METTL14: variants seen among roughly 807,000 people sequenced by gnomAD.
The protein encoded by METTL14 is methyltransferase 14, N6-adenosine-methyltransferase non-catalytic subunit.
METTL14 carries 32 observed loss-of-function variants against 62.4 expected under a neutral mutation model. The ratio of observed to expected loss-of-function variants is 0.51; its 90% CI spans 0.39 to 0.69. METTL14 has a LOEUF of 0.69. Ranked by LOEUF, METTL14 falls within the 30% of genes least tolerant of loss-of-function variation. The pLI is 0.00. For synonymous variants in METTL14, 150 were observed against 180.0 expected (o/e 0.83, Z 1.34); for missense variants, 340 against 551.9 (o/e 0.62, Z 3.85).
rs70941201 is a variant in METTL14 at position 118,696,117 on chromosome 4, C to CAAA, written c.504-1039_504-1037dup. Among the ~76,000 whole-genome samples, 90 of 33,890 alleles carry CAAA rather than the reference C, an allele frequency of 2.7e-3. 18 individuals are homozygous for CAAA. Among genetic ancestry groups the CAAA allele is most frequent in the Middle Eastern group, 0.025 (1 of 40 alleles). 22.2% of individuals were successfully genotyped at this position (33,890 alleles called of 152,430 possible). A position where few individuals can be genotyped will look rare whatever the true frequency, so the allele number is the denominator to read the frequency against. Reference sequence around the variant, plus strand: ...CTGGCAACAGAGTGAGACTCTGTCTCAAAAAAAAAAAAAAAAAAAAAAAAA... The same window carrying CAAA: ...CTGGCAACAGAGTGAGACTCTGTCTCAAAAAAAAAAAAAAAAAAAAAAAAAAAA... On this transcript the variant is annotated intron_variant, in intron 6 of 10. Coordinates refer to ENST00000388822, the MANE Select transcript of METTL14 (RefSeq NM_020961.4).
chr4:118,686,801 T>C (rs1314668960), intron 1 of METTL14: 3 of 356,148 alleles, frequency 8.4e-6, no homozygotes, highest in Non-Finnish European at 1.1e-5. Flanking sequence ...CAATTATTTG[T>C]TTAGTGTTTT....
intron 9 of METTL14, among the ~76,000 whole-genome samples, chr4:118,704,717 T>C (rs1488903820): frequency 6.6e-6 from 1 of 152,146 alleles, no homozygotes; most frequent in Non-Finnish European, 1.5e-5. Flanking sequence ...CTTTTCATTA[T>C]GTGTCTCTTC....
At chr4:118,692,835 T>C (rs543355784) in intron 5 of METTL14, among the ~76,000 whole-genome samples, 1 of 152,168 alleles carries the variant, frequency 6.6e-6, no homozygotes, top group Non-Finnish European at 1.5e-5. Flanking sequence ...CTCTCTCATC[T>C]ACCCCTTCTC....
rs547458930 is a variant in METTL14 at position 118,696,026 on chromosome 4, G to T, written c.504-1156G>T. 7.6e-5 allele frequency among the ~76,000 whole-genome samples: 11 copies of T among 145,250 alleles called. No homozygotes were observed. The South Asian group carries it at 2.5e-3, about 33-fold the overall frequency. ...TCGGGAGGCAGAGGCTGAGGCAGAAGAGGTGGAGTTTGAACCCAGGAGGTG... is the reference window on the plus strand; with the variant it reads ...TCGGGAGGCAGAGGCTGAGGCAGAATAGGTGGAGTTTGAACCCAGGAGGTG... On this transcript the variant is annotated intron_variant, in intron 6 of 10. Coordinates refer to ENST00000388822, the MANE Select transcript of METTL14 (RefSeq NM_020961.4).
At chr4:118,696,025 AGAGGTGGAGTTTGAACCCAG>A (rs767711616) in intron 6 of METTL14, among the ~76,000 whole-genome samples, 1 of 145,312 alleles carries the variant, frequency 6.9e-6, no homozygotes, top group Admixed American at 7.2e-5. Flanking sequence ...CTGAGGCAGA[AGAGGTGGAGTTTGAACCCAG>A]GAGGTGGAGT....
chr4:118,704,071 G>C lies in METTL14; in HGVS notation c.855+20G>C, dbSNP rs549334816. On this transcript the variant is annotated intron_variant, in intron 9 of 10. Transcript: ENST00000388822. Reference sequence around the variant, plus strand: ...ACAAAGGTATTGCCTTTACTGATTTGTTTTTTTTAATTTTTGTGATTTTCT... The same window carrying C: ...ACAAAGGTATTGCCTTTACTGATTTCTTTTTTTTAATTTTTGTGATTTTCT... The C allele has an allele frequency of 4.3e-5, 61 of 1,427,246 alleles. No individual in the cohort carries two copies. The South Asian group carries it at 7.4e-4, about 17-fold the overall frequency. 88.4% of individuals were successfully genotyped at this position (1,427,246 alleles called of 1,614,324 possible). A position where few individuals can be genotyped will look rare whatever the true frequency, so the allele number is the denominator to read the frequency against.
intron 8 of METTL14, among the ~76,000 whole-genome samples, chr4:118,702,832 G>A (rs939454148): frequency 1.3e-5 from 2 of 149,654 alleles, no homozygotes; most frequent in Admixed American, 1.3e-4. Flanking sequence ...TACCCAATAA[G>A]CATTCCTGAA....
intron 1 of METTL14, 88 bp downstream of exon 1, chr4:118,685,688 C>T (rs554914862): frequency 1.3e-4 from 140 of 1,093,332 alleles, no homozygotes; most frequent in Non-Finnish European, 1.8e-4. Context: ...TTTTTCTGTC[C>T]CTTCTCTACC....
In METTL14 at chr4:118,687,789, TTGTG is replaced by T. The variant is rs58763837; in HGVS notation, c.67-115_67-112del. On this transcript the variant is annotated intron_variant, in intron 1 of 10. Coordinates refer to ENST00000388822, the MANE Select transcript of METTL14 (RefSeq NM_020961.4). ...CTTGCAAGCTGATTAATTCATTGTT[TTGTG>T]TGTGTGTGTGTGTGTGTGAATTAAG... The T allele has an allele frequency of 5.0e-3, 2,875 of 577,096 alleles. 61 individuals carry two copies. The East Asian group carries it at 0.067, about 13-fold the overall frequency. 35.7% of individuals were successfully genotyped at this position (577,096 alleles called of 1,614,324 possible).
chr4:118,703,868 T>G lies in METTL14; in HGVS notation c.739-67T>G, dbSNP rs1465274380. 7 of 886,580 alleles carry G rather than the reference T, an allele frequency of 7.9e-6. No individual in the cohort carries two copies. The East Asian group carries it at 1.9e-4, about 24-fold the overall frequency. The allele number at this position is 886,580 out of a possible 1,614,324, so 54.9% of individuals were successfully genotyped here. The stretch of plus-strand genomic sequence containing the variant: ...CTAGAAAGTTTTTTTTAATGCTGGT[T>G]GTTATTGTTAAGTATTGTTTATTTC... On this transcript the variant is annotated intron_variant, in intron 8 of 10. Coordinates refer to ENST00000388822, the MANE Select transcript of METTL14 (RefSeq NM_020961.4).
At chr4:118,707,509 C>CA (rs1381715182) in intron 10 of METTL14, among the ~76,000 whole-genome samples, 1 of 151,536 alleles carries the variant, frequency 6.6e-6, no homozygotes, top group African/African-American at 2.4e-5. Flanking sequence ...ACTAAAAATA[C>CA]AAAAATTAGC....
At chr4:118,691,271 A>G (rs1724238281) in intron 3 of METTL14, among the ~76,000 whole-genome samples, 1 of 152,206 alleles carries the variant, frequency 6.6e-6, no homozygotes, top group Admixed American at 6.5e-5. Context: ...ATAGTATTGT[A>G]TATGAGATAA....
intron 6 of METTL14, among the ~76,000 whole-genome samples, chr4:118,696,357 G>T (rs534843702): frequency 6.6e-6 from 1 of 151,496 alleles, no homozygotes; most frequent in Non-Finnish European, 1.5e-5. Flanking sequence ...ATCCTCCCAC[G>T]CTGGCCTCCC....
chr4:118,689,249 G>A, intron 2 of METTL14, 121 bp from the exon 3 acceptor site: 1 of 506,274 alleles, frequency 2.0e-6, no homozygotes, highest in South Asian at 3.3e-5. Context: ...TGCGTAGATA[G>A]ATATTCTTTA....
rs1451068105 is a variant in METTL14 at position 118,685,461 on chromosome 4, T to C, written c.-74T>C. ...TCCCGGTGAATTTTGTTCCACAGAC[T>C]CGGAAGAAAGGTTGGATAAGAGTTC... On this transcript the variant is annotated 5_prime_UTR_variant, in exon 1 of 11. Coordinates refer to ENST00000388822, the MANE Select transcript of METTL14 (RefSeq NM_020961.4). 13 of 1,439,684 alleles carry C rather than the reference T, an allele frequency of 9.0e-6. No homozygotes were observed. The highest frequency in any genetic ancestry group is 1.4e-5 in the African/African-American group (1 of 71,632). The allele number at this position is 1,439,684 out of a possible 1,614,324, so 89.2% of individuals were successfully genotyped here.
chr4:118,688,231 G>A (rs1724136415), intron 2 of METTL14, among the ~76,000 whole-genome samples: 1 of 152,076 alleles, frequency 6.6e-6, no homozygotes, highest in Non-Finnish European at 1.5e-5. Context: ...GAAGTCGGGA[G>A]TTCGAGGCCA....
Position 118,709,978 on chromosome 4 carries a change from C to T in METTL14, c.1067-20C>T. On this transcript the variant is annotated intron_variant, in intron 10 of 10. Coordinates refer to ENST00000388822, the MANE Select transcript of METTL14 (RefSeq NM_020961.4). ...GAGAATTGCAAATAAAAAGTATAAT[C>T]TTTTTTTCCTCCATTTCAGGCTGGC... 6.4e-7 allele frequency: 1 copy of T among 1,566,360 alleles called. No homozygotes were observed. Among genetic ancestry groups the T allele is most frequent in the Non-Finnish European group, 8.6e-7 (1 of 1,160,176 alleles).
At chr4:118,693,259 T>A (rs926054527) in intron 5 of METTL14, among the ~76,000 whole-genome samples, 2 of 152,224 alleles carry the variant, frequency 1.3e-5, no homozygotes, top group Non-Finnish European at 2.9e-5. Context: ...CATCTTTTTT[T>A]ATGCTTATTG....
At position 118,694,421 on chromosome 4, in the gene METTL14, A is replaced by AT. The variant is rs1724344427; in HGVS notation, c.413-9dup. On this transcript the variant is annotated splice_polypyrimidine_tract_variant and intron_variant, in intron 5 of 10. Coordinates refer to ENST00000388822, the MANE Select transcript of METTL14 (RefSeq NM_020961.4). ...AGTTGAGATGAATTCAGAATTTACT[A>AT]TTTTTTCTGCTCAGGTTTAGCTGAC... The AT allele has an allele frequency of 3.1e-6, 5 of 1,597,898 alleles. No homozygotes were observed. The highest frequency in any genetic ancestry group is 3.5e-5 in the Admixed American group (2 of 57,152).
Sources: gnomAD v4.1 joint callset for allele counts (sites outside exome capture counted in the v4.1 genomes callset) on GRCh38, gnomAD v4.1.1 for gene constraint, MANE v1.5 for transcripts, NCBI Gene and HGNC (gene_info 2026-07-23, HGNC 2026-07-21) for gene names.